The following ERBB4 variants were observed in gnomAD, a reference collection of about 807,000 sequenced individuals.
The protein encoded by ERBB4 is receptor tyrosine-protein kinase erbB-4.
ERBB4 carries 42 observed loss-of-function variants against 158.0 expected under a neutral mutation model. The ratio of observed to expected loss-of-function variants is 0.27; its 90% CI spans 0.21 to 0.34. The LOEUF (loss-of-function observed/expected upper bound fraction) is 0.34, where lower values mean the gene tolerates loss of function less well. Among genes scored for constraint, ERBB4 ranks in the 10% least tolerant of loss-of-function variants. ERBB4 has a pLI of 1.00. For synonymous variants in ERBB4, 583 were observed against 558.7 expected, an observed-to-expected ratio of 1.04 and a Z score of -0.61; for missense variants, 1,333 against 1,624.1, an observed-to-expected ratio of 0.82 and a Z score of 3.08.
intron 1 of ERBB4, among the ~76,000 whole-genome samples, chr2:212,311,409 A>G (rs1472303489): frequency 6.6e-6 from 1 of 150,884 alleles, no homozygotes; most frequent in Non-Finnish European, 1.5e-5. Flanking sequence ...CTGTTAACAC[A>G]CCCATCCTGA....
Position 212,436,698 on chromosome 2 carries a change from G to A in ERBB4, c.82+101751C>T, listed in dbSNP as rs16848567. Among the ~76,000 whole-genome samples, 1,425 of 152,112 alleles carry A rather than the reference G, an allele frequency of 9.4e-3. 20 individuals carry two copies. The highest frequency in any genetic ancestry group is 0.032 in the African/African-American group (1,346 of 41,534). On this transcript the variant is annotated intron_variant, in intron 1 of 27. Transcript: ENST00000342788. ...TATTTATTCAGCTCAAGTAACAAAAGTTAAGGTTGACAAAATAAAACTCAA... is the reference window on the plus strand; with the variant it reads ...TATTTATTCAGCTCAAGTAACAAAAATTAAGGTTGACAAAATAAAACTCAA...
chr2:212,372,690 G>A (rs543351758), intron 1 of ERBB4, among the ~76,000 whole-genome samples: 17 of 152,142 alleles, frequency 1.1e-4, no homozygotes, highest in African/African-American at 2.4e-4. Context: ...CAGAGGTTGC[G>A]GTGAGCCGAG....
intron 3 of ERBB4, among the ~76,000 whole-genome samples, chr2:211,840,131 G>C (rs2077437829): frequency 6.6e-6 from 1 of 151,978 alleles, no homozygotes; most frequent in African/African-American, 2.4e-5. Context: ...CACGTGTTGT[G>C]GGAGGGACCT....
chr2:212,113,392 G>A (rs575696350), intron 2 of ERBB4, among the ~76,000 whole-genome samples: 3 of 151,872 alleles, frequency 2.0e-5, no homozygotes, highest in Admixed American at 6.6e-5. Context: ...TGGCTAACAC[G>A]GTGAAACCCG....
At position 211,948,945 on chromosome 2, in the gene ERBB4, C is replaced by T. The variant is rs566006399; in HGVS notation, c.235-1329G>A. 2.8e-5 allele frequency among the ~76,000 whole-genome samples: 4 copies of T among 141,722 alleles called. No individual in the cohort carries two copies. In the South Asian group the frequency reaches 8.7e-4, roughly 31 times the overall value. The allele number at this position is 141,722 out of a possible 152,430, so 93.0% of individuals were successfully genotyped here. On this transcript the variant is annotated intron_variant, in intron 2 of 27. Transcript: ENST00000342788. Reference sequence around the variant, plus strand: ...TAGTATGCTTTTCAGATACACCTATCAATGGCTGAACTCTTTTCTTCCTCC... The same window carrying T: ...TAGTATGCTTTTCAGATACACCTATTAATGGCTGAACTCTTTTCTTCCTCC...
At chr2:211,805,936 A>AG (rs1187268043) in intron 3 of ERBB4, among the ~76,000 whole-genome samples, 1 of 151,778 alleles carries the variant, frequency 6.6e-6, no homozygotes, top group Non-Finnish European at 1.5e-5. Context: ...TAGAAAGTAG[A>AG]GAAAAAAGAG....
chr2:212,359,669 C>T (rs1160280039), intron 1 of ERBB4, among the ~76,000 whole-genome samples: 1 of 151,702 alleles, frequency 6.6e-6, no homozygotes, highest in African/African-American at 2.4e-5. Flanking sequence ...CTCAGGGGCA[C>T]ACCAGTTAAT....
intron 20 of ERBB4, among the ~76,000 whole-genome samples, chr2:211,446,393 C>T (rs983307042): frequency 1.3e-5 from 2 of 152,116 alleles, no homozygotes; most frequent in African/African-American, 2.4e-5. Context: ...GTAAGTGAGA[C>T]AGGAGGACAG....
chr2:211,792,031 C>G (rs2076289171), intron 3 of ERBB4, among the ~76,000 whole-genome samples: 1 of 151,634 alleles, frequency 6.6e-6, no homozygotes, highest in Non-Finnish European at 1.5e-5. Context: ...AGTGCTGTAT[C>G]TATAGCATCA....
chr2:212,028,441 T>C (rs1483251563), intron 2 of ERBB4, among the ~76,000 whole-genome samples: 1 of 152,174 alleles, frequency 6.6e-6, no homozygotes, highest in Non-Finnish European at 1.5e-5. Context: ...GTGAAAAGGT[T>C]TGACTTTTAA....
At chr2:211,520,695 A>G (rs2066163690) in intron 20 of ERBB4, among the ~76,000 whole-genome samples, 1 of 152,170 alleles carries the variant, frequency 6.6e-6, no homozygotes, top group African/African-American at 2.4e-5. Context: ...ATTGTACTGC[A>G]CAGACATTGC....
chr2:211,781,355 T>G (rs1221016084), intron 4 of ERBB4, among the ~76,000 whole-genome samples: 1 of 152,232 alleles, frequency 6.6e-6, no homozygotes, highest in African/African-American at 2.4e-5. Flanking sequence ...GGAATTATGT[T>G]CATGATTATA....
At chr2:211,607,170 C>T (rs1284935109) in intron 19 of ERBB4, among the ~76,000 whole-genome samples, 1 of 152,046 alleles carries the variant, frequency 6.6e-6, no homozygotes, top group Non-Finnish European at 1.5e-5. Flanking sequence ...AAATAACTGG[C>T]TCCCTTGGCT....
At chr2:212,179,711 T>C (rs79144152) in intron 1 of ERBB4, among the ~76,000 whole-genome samples, 4 of 151,562 alleles carry the variant, frequency 2.6e-5, no homozygotes, top group Admixed American at 6.6e-5. Flanking sequence ...TAAGCCAAGT[T>C]GCTATAAATC....
intron 1 of ERBB4, among the ~76,000 whole-genome samples, chr2:212,266,997 G>A (rs1465501729): frequency 6.6e-6 from 1 of 151,808 alleles, no homozygotes; most frequent in African/African-American, 2.4e-5. Context: ...TGAAGTTTGG[G>A]GCTTTGAAAT....
intron 3 of ERBB4, among the ~76,000 whole-genome samples, chr2:211,843,419 A>ACACG (rs1367114411): frequency 6.6e-6 from 1 of 151,628 alleles, no homozygotes; most frequent in Non-Finnish European, 1.5e-5. Context: ...GCGTGTGCAC[A>ACACG]CACACACACA....
chr2:212,265,920 C>A (rs1018322212), intron 1 of ERBB4, among the ~76,000 whole-genome samples: 1 of 152,038 alleles, frequency 6.6e-6, no homozygotes, highest in South Asian at 2.1e-4. Context: ...GTTACTGTAA[C>A]CACTGAAGTG....
chr2:211,995,405 A>C (rs2082177984), intron 2 of ERBB4, among the ~76,000 whole-genome samples: 1 of 152,116 alleles, frequency 6.6e-6, no homozygotes, highest in South Asian at 2.1e-4. Flanking sequence ...TTGGATTTAA[A>C]TCCAAGTTCC....
chr2:211,905,738 G>GTATATATATC (rs1469524984), intron 3 of ERBB4, among the ~76,000 whole-genome samples: 1 of 108,228 alleles, frequency 9.2e-6, no homozygotes, highest in Non-Finnish European at 1.9e-5. Flanking sequence ...GTGTGTGCAT[G>GTATATATATC]TGTGTGTATA....
Sources: gnomAD v4.1 joint callset for allele counts (sites outside exome capture counted in the v4.1 genomes callset) on GRCh38, gnomAD v4.1.1 for gene constraint, MANE v1.5 for transcripts, NCBI Gene and HGNC (gene_info 2026-07-23, HGNC 2026-07-21) for gene names.